NEK11: variants seen among roughly 807,000 people sequenced by gnomAD.
NEK11 encodes the protein serine/threonine-protein kinase Nek11.
NEK11 carries 72 observed loss-of-function variants against 80.7 expected under a neutral mutation model. The ratio of observed to expected loss-of-function variants is 0.89; its 90% CI spans 0.74 to 1.08. NEK11 has a LOEUF of 1.08. Among genes scored for constraint, NEK11 ranks in the 50% least tolerant of loss-of-function variants. The pLI, the probability that NEK11 is intolerant of heterozygous loss-of-function variation, is 0.00. For synonymous variants in NEK11, 251 were observed against 260.7 expected (o/e 0.96, Z 0.36); for missense variants, 764 against 763.6 (o/e 1.00, Z -0.01).
chr3:131,241,299 T>C (rs2095515160), intron 15 of NEK11, among the ~76,000 whole-genome samples: 1 of 152,036 alleles, frequency 6.6e-6, no homozygotes, highest in African/African-American at 2.4e-5. Flanking sequence ...GAAACAAAGA[T>C]GTATGTGTAA....
chr3:131,200,638 G>A (rs1210294520), intron 14 of NEK11, among the ~76,000 whole-genome samples: 2 of 152,076 alleles, frequency 1.3e-5, no homozygotes, highest in East Asian at 3.9e-4. Context: ...GGACTATCAG[G>A]CCTCTCAAAA....
At chr3:131,266,897 G>A in intron 16 of NEK11, among the ~76,000 whole-genome samples, 1 of 152,164 alleles carries the variant, frequency 6.6e-6, no homozygotes, top group East Asian at 1.9e-4. Flanking sequence ...TATACATTTA[G>A]GATAGTTAGC....
At chr3:131,329,930 A>G (rs2097046154) in intron 17 of NEK11, 1 of 152,280 alleles carries the variant, frequency 6.6e-6, no homozygotes, top group South Asian at 2.1e-4. Flanking sequence ...GAAGAGTCCA[A>G]TAGAGTTTTG....
At chr3:131,288,201 T>C (rs2096496455) in intron 17 of NEK11, among the ~76,000 whole-genome samples, 1 of 152,194 alleles carries the variant, frequency 6.6e-6, no homozygotes, top group Non-Finnish European at 1.5e-5. Context: ...ATTAAGGATA[T>C]GACAAGAAAT....
intron 2 of NEK11, among the ~76,000 whole-genome samples, chr3:131,028,783 T>G (rs1234154334): frequency 6.6e-6 from 1 of 152,158 alleles, no homozygotes; most frequent in African/African-American, 2.4e-5. Context: ...CTCGATCTCC[T>G]GACCTCGTGA....
chr3:131,101,642 C>G (rs1401946954), intron 4 of NEK11, among the ~76,000 whole-genome samples: 1 of 152,110 alleles, frequency 6.6e-6, no homozygotes, highest in Non-Finnish European at 1.5e-5. Context: ...TGCTTTATGA[C>G]CAAGCATGAG....
chr3:131,066,042 G>A (rs1230802638), intron 3 of NEK11, among the ~76,000 whole-genome samples: 1 of 152,176 alleles, frequency 6.6e-6, no homozygotes, highest in African/African-American at 2.4e-5. Flanking sequence ...TCTCCTGTAT[G>A]AAAAGGATAT....
At chr3:131,200,207 G>C (rs1453020783) in intron 14 of NEK11, among the ~76,000 whole-genome samples, 1 of 152,140 alleles carries the variant, frequency 6.6e-6, no homozygotes, top group Non-Finnish European at 1.5e-5. Context: ...CATCTTCTGT[G>C]TACTGAAAGA....
At chr3:131,055,508 G>A (rs538598174) in intron 3 of NEK11, among the ~76,000 whole-genome samples, 1 of 152,270 alleles carries the variant, frequency 6.6e-6, no homozygotes, top group South Asian at 2.1e-4. Flanking sequence ...GGCTGATATG[G>A]GAGGATTGTT....
intron 14 of NEK11, among the ~76,000 whole-genome samples, chr3:131,185,392 C>A (rs1462226468): frequency 5.9e-5 from 9 of 152,100 alleles, no homozygotes; most frequent in Non-Finnish European, 8.8e-5. Flanking sequence ...ACAGACTGGG[C>A]AAGAAGAGTC....
intron 14 of NEK11, among the ~76,000 whole-genome samples, chr3:131,214,791 C>G (rs140104757): frequency 7.2e-4 from 110 of 152,060 alleles, no homozygotes; most frequent in African/African-American, 2.6e-3. Flanking sequence ...GAGGCACTTA[C>G]AGCAGAACCT....
At chr3:131,098,719 G>A (rs1427509382) in intron 4 of NEK11, among the ~76,000 whole-genome samples, 1 of 151,774 alleles carries the variant, frequency 6.6e-6, no homozygotes, top group African/African-American at 2.4e-5. Flanking sequence ...GGGATTACAG[G>A]TGCGCACCAC....
chr3:131,348,737 G>C (rs1044995527), intron 17 of NEK11, among the ~76,000 whole-genome samples: 6 of 151,276 alleles, frequency 4.0e-5, no homozygotes, highest in Non-Finnish European at 5.9e-5. Context: ...ATCACTGGAA[G>C]TGTGGAAAAA....
intron 10 of NEK11, among the ~76,000 whole-genome samples, chr3:131,160,452 C>G (rs565476484): frequency 6.6e-6 from 1 of 152,222 alleles, no homozygotes; most frequent in Admixed American, 6.5e-5. Flanking sequence ...AAGGAAAGAC[C>G]ATTACCAGCC....
intron 14 of NEK11, among the ~76,000 whole-genome samples, chr3:131,217,019 G>T (rs572945195): frequency 6.6e-6 from 1 of 152,148 alleles, no homozygotes; most frequent in East Asian, 1.9e-4. Context: ...CTCAGAGTGT[G>T]CCCTTCCCTC....
At chr3:131,318,350 T>C (rs2096864456) in intron 17 of NEK11, among the ~76,000 whole-genome samples, 1 of 152,188 alleles carries the variant, frequency 6.6e-6, no homozygotes, top group African/African-American at 2.4e-5. Flanking sequence ...TGTTAATTAG[T>C]GTGATAATTT....
chr3:131,030,332 A>G (rs1215525190), intron 3 of NEK11, among the ~76,000 whole-genome samples: 1 of 152,164 alleles, frequency 6.6e-6, no homozygotes, highest in Non-Finnish European at 1.5e-5. Flanking sequence ...AATCTTTCAT[A>G]TTAGGTTTAA....
chr3:131,130,558 T>A (rs1366915138), intron 5 of NEK11, among the ~76,000 whole-genome samples: 1 of 152,194 alleles, frequency 6.6e-6, no homozygotes, highest in Non-Finnish European at 1.5e-5. Flanking sequence ...TAAAGTGTGA[T>A]GTTAGCTGTA....
chr3:131,337,056 G>A (rs2097197457), intron 17 of NEK11, among the ~76,000 whole-genome samples: 1 of 152,184 alleles, frequency 6.6e-6, no homozygotes, highest in Non-Finnish European at 1.5e-5. Flanking sequence ...AGTCAGTGTG[G>A]CAATTCCTCA....
Sources: gnomAD v4.1 joint callset for allele counts (sites outside exome capture counted in the v4.1 genomes callset) on GRCh38, gnomAD v4.1.1 for gene constraint, MANE v1.5 for transcripts, NCBI Gene and HGNC (gene_info 2026-07-23, HGNC 2026-07-21) for gene names.